Variants in AWAT1 observed in about 807,000 individuals in gnomAD.
The protein encoded by AWAT1 is diacyl-glycerol acyltransferase 2.
In AWAT1, 26 loss-of-function variants were observed where a neutral mutation model predicts 21.6. That is an observed-to-expected ratio of 1.20 (90% CI 0.88 to 1.67). The LOEUF is 1.67. Ranked by LOEUF, AWAT1 falls within the 40% of genes most tolerant of loss-of-function variation. The pLI is 0.00. For synonymous variants in AWAT1, 102 were observed against 99.3 expected (o/e 1.03, Z -0.16); for missense variants, 264 against 249.4 (o/e 1.06, Z -0.39).
intron 1 of AWAT1, among the ~76,000 whole-genome samples, chrX:70,235,434 G>GA (rs963929174): frequency 1.8e-5 from 2 of 110,324 alleles, no homozygotes; most frequent in African/African-American, 6.6e-5. Flanking sequence ...GGGGCAGGAG[G>GA]AAAAAAAACT....
At chrX:70,236,803 A>T (rs1410921957) in intron 3 of AWAT1, among the ~76,000 whole-genome samples, 1 of 111,965 alleles carries the variant, frequency 8.9e-6, no homozygotes, top group African/African-American at 3.3e-5. Context: ...GCACACTGAC[A>T]TAGATGGCTG....
Position 70,238,209 on chromosome X carries a change from T to C in AWAT1, c.461-3T>C, listed in dbSNP as rs369240377. The C allele has an allele frequency of 2.8e-4, 341 of 1,201,476 alleles. No individual in the cohort carries two copies. The highest frequency in any genetic ancestry group is 3.7e-4 in the Non-Finnish European group (327 of 889,049). On this transcript the variant is annotated splice_region_variant and splice_polypyrimidine_tract_variant and intron_variant, in intron 4 of 6. Coordinates refer to ENST00000374521, the MANE Select transcript of AWAT1 (RefSeq NM_001013579.3). ...GATCATTTTGCTCCTTGATTCTCTT[T>C]AGGTGTGTGCTCTGTGAGCCAGCCA...
intron 5 of AWAT1, 120 bp downstream of exon 5, chrX:70,238,503 A>C: frequency 1.3e-6 from 1 of 782,373 alleles, no homozygotes; most frequent in Non-Finnish European, 1.7e-6. Context: ...CCAAGTAAGA[A>C]AAATGGGTCA....
Position 70,240,641 on chromosome X carries a change from T to C in AWAT1, c.*351T>C. On this transcript the variant is annotated 3_prime_UTR_variant, in exon 7 of 7. Coordinates refer to ENST00000374521, the MANE Select transcript of AWAT1 (RefSeq NM_001013579.3). ...GGATTTGCCAATTCTGAACATTTTA[T>C]ATAAATGGAATAATACAATATGTGG... is the stretch of plus-strand genomic sequence containing the variant. 4.9e-6 allele frequency: 1 copy of C among 202,313 alleles called. No homozygotes were observed. Among genetic ancestry groups the C allele is most frequent in the Non-Finnish European group, 9.0e-6 (1 of 110,517 alleles). 16.7% of individuals were successfully genotyped at this position (202,313 alleles called of 1,213,427 possible). A position where few individuals can be genotyped will look rare whatever the true frequency, so the allele number is the denominator to read the frequency against.
In AWAT1 at chrX:70,239,813, G is replaced by A; in HGVS notation, c.711G>A (p.Met237Ile). The part of the protein sequence containing the change: ...DQVLFHKDSR[M>I]YKFQSCFRRI... ...TGCTGTTCCATAAGGATAGCAGGATGTACAAGTTCCAGAGCTGCTTCCGCC... is the reference window on the plus strand; with the variant it reads ...TGCTGTTCCATAAGGATAGCAGGATATACAAGTTCCAGAGCTGCTTCCGCC... Residue 237 changes from methionine (M) to isoleucine (I), a missense_variant, in exon 6 of 7, where the codon ATG (methionine) becomes ATA (isoleucine). Coordinates refer to ENST00000374521, the MANE Select transcript of AWAT1 (RefSeq NM_001013579.3). The A allele has an allele frequency of 8.3e-7, 1 of 1,210,040 alleles. No individual in the cohort carries two copies.
chrX:70,238,310 C>A lies in AWAT1; in HGVS notation c.559C>A (p.Gln187Lys), dbSNP rs1240321987. Residue 187 changes from glutamine to lysine, a missense_variant, in exon 5 of 7, where the codon CAA becomes AAA. Physicochemically the swap from Gln to Lys is moderately conservative, Grantham distance 53. Coordinates refer to ENST00000374521, the MANE Select transcript of AWAT1 (RefSeq NM_001013579.3). ...IVVGGVGEAL[Q>K]SVPNTTTLIL... is the part of the protein sequence containing the mutation. ...AGTGGGAGGTGTGGGTGAGGCCCTGCAAAGTGTGCCCAACACCACCACCCT... is the reference window on the plus strand; with the variant it reads ...AGTGGGAGGTGTGGGTGAGGCCCTGAAAAGTGTGCCCAACACCACCACCCT... 2 of 1,210,547 alleles carry A rather than the reference C, an allele frequency of 1.7e-6. No homozygotes were observed. The highest frequency in any genetic ancestry group is 1.7e-5 in the African/African-American group (1 of 57,779).
In AWAT1 at chrX:70,237,208, C is replaced by T; in HGVS notation, c.420C>T (p.Phe140=). 3 of 1,209,159 alleles carry T rather than the reference C, an allele frequency of 2.5e-6. No individual in the cohort carries two copies. The highest frequency in any genetic ancestry group is 3.4e-6 in the Non-Finnish European group (3 of 894,342). Residue 140 remains phenylalanine, a synonymous_variant, in exon 4 of 7, where the codon TTC becomes TTT. Coordinates refer to ENST00000374521, the MANE Select transcript of AWAT1 (RefSeq NM_001013579.3). ...ITPHLATLSW[F]FKIPFVREYL... is the part of the protein sequence containing the mutation. Reference sequence around the variant, plus strand: ...CTCACTTGGCCACGCTGTCCTGGTTCTTCAAGATCCCCTTTGTTAGGGAGT... The same window carrying T: ...CTCACTTGGCCACGCTGTCCTGGTTTTTCAAGATCCCCTTTGTTAGGGAGT...
chrX:70,238,787 G>A (rs1459610512), intron 5 of AWAT1, among the ~76,000 whole-genome samples: 4 of 112,388 alleles, frequency 3.6e-5, no homozygotes, highest in African/African-American at 1.3e-4. Flanking sequence ...ACCATTCTGA[G>A]CCTTGGTGTT....
At chrX:70,236,569 G>A (rs979374767) in intron 3 of AWAT1, among the ~76,000 whole-genome samples, 1 of 111,488 alleles carries the variant, frequency 9.0e-6, no homozygotes, top group South Asian at 3.8e-4. Flanking sequence ...CACAGACATG[G>A]TGATATCTTA....
At chrX:70,236,582 A>T (rs1152198) in intron 3 of AWAT1, among the ~76,000 whole-genome samples, 29,805 of 110,548 alleles carry the variant, frequency 0.27, 3,193 homozygotes, top group African/African-American at 0.38. Flanking sequence ...ATATCTTAGC[A>T]GGGTTTTCCA....
rs750500757 is a variant in AWAT1, at chrX:70,236,021, T to A, written c.185-48T>A. The A allele has an allele frequency of 2.8e-6, 3 of 1,069,879 alleles. No individual in the cohort carries two copies. The African/African-American group carries it at 5.5e-5, about 20-fold the overall frequency. 88.2% of individuals were successfully genotyped at this position (1,069,879 alleles called of 1,213,427 possible). A position where few individuals can be genotyped will look rare whatever the true frequency, so the allele number is the denominator to read the frequency against. Reference sequence around the variant, plus strand: ...GGAATCCCTGAGTCCGTGGAATGTATGGGATGGCACACACTGACATCATCC... The same window carrying A: ...GGAATCCCTGAGTCCGTGGAATGTAAGGGATGGCACACACTGACATCATCC... On this transcript the variant is annotated intron_variant, in intron 2 of 6. Transcript: ENST00000374521.
In AWAT1 at chrX:70,236,011, G is replaced by A. The variant is rs377034950; in HGVS notation, c.185-58G>A. 45 of 1,049,978 alleles carry A rather than the reference G, an allele frequency of 4.3e-5. No homozygotes were observed. The East Asian group carries it at 6.4e-4, about 15-fold the overall frequency. 86.5% of individuals were successfully genotyped at this position (1,049,978 alleles called of 1,213,427 possible). ...GCCATGCTAGGGAATCCCTGAGTCC[G>A]TGGAATGTATGGGATGGCACACACT... On this transcript the variant is annotated intron_variant, in intron 2 of 6. Transcript: ENST00000374521.
In AWAT1 at chrX:70,240,469, G is replaced by T; in HGVS notation, c.*179G>T. The T allele has an allele frequency of 2.1e-6, 1 of 480,953 alleles. No individual in the cohort carries two copies. Among genetic ancestry groups the T allele is most frequent in the Non-Finnish European group, 3.4e-6 (1 of 297,214 alleles). 39.6% of individuals were successfully genotyped at this position (480,953 alleles called of 1,213,427 possible). ...TTACAGGAATTCTTTCTGAAGAGCT[G>T]CACACAGTCATTCCTCAAAGGAGGG... On this transcript the variant is annotated 3_prime_UTR_variant, in exon 7 of 7. Transcript: ENST00000374521.
intron 4 of AWAT1, among the ~76,000 whole-genome samples, chrX:70,237,831 CAAAAAAAAAAAA>C (rs34212707): frequency 1.0e-4 from 2 of 19,386 alleles, no homozygotes; most frequent in South Asian, 0.013. Flanking sequence ...AACTCTGTCT[CAAAAAAAAAAAA>C]AAAAAAAAAA....
At chrX:70,239,475 T>C (rs777624560) in intron 5 of AWAT1, among the ~76,000 whole-genome samples, 1 of 111,883 alleles carries the variant, frequency 8.9e-6, no homozygotes, top group East Asian at 2.8e-4. Context: ...GCTCAACTTC[T>C]CTTGCTTCCC....
chrX:70,235,879 G>A lies in AWAT1; in HGVS notation c.184+56G>A, dbSNP rs905244282. ...TTCCATCATAACCTGCAGCCAGAGA[G>A]TCCCACTCGCCATACCACAGGCCCC... On this transcript the variant is annotated intron_variant, in intron 2 of 6. Coordinates refer to ENST00000374521, the MANE Select transcript of AWAT1 (RefSeq NM_001013579.3). 1.1e-5 allele frequency: 12 copies of A among 1,068,030 alleles called. No homozygotes were observed. In the African/African-American group the frequency reaches 2.2e-4, roughly 20 times the overall value. The allele number at this position is 1,068,030 out of a possible 1,213,427, so 88.0% of individuals were successfully genotyped here.
In AWAT1 at chrX:70,238,232, C is replaced by T. The variant is rs950288406; in HGVS notation, c.481C>T (p.Pro161Ser). Reference sequence around the variant, plus strand: ...TTTAGGTGTGTGCTCTGTGAGCCAGCCAGCCATCAACTATCTGCTGAGCCA... The same window carrying T: ...TTTAGGTGTGTGCTCTGTGAGCCAGTCAGCCATCAACTATCTGCTGAGCCA... ...MAKGVCSVSQ[P>S]AINYLLSHGT... Residue 161 changes from proline to serine, a missense_variant, in exon 5 of 7, where the codon CCA (proline) becomes TCA (serine). By Grantham distance (74) the Pro-to-Ser change is moderately conservative (BLOSUM62 -1). Coordinates refer to ENST00000374521, the MANE Select transcript of AWAT1 (RefSeq NM_001013579.3). The T allele has an allele frequency of 2.5e-6, 3 of 1,206,264 alleles. No individual in the cohort carries two copies. Among genetic ancestry groups the T allele is most frequent in the Non-Finnish European group, 3.4e-6 (3 of 892,497 alleles).
chrX:70,239,704 G>C, intron 5 of AWAT1, 31 bp from the exon 6 acceptor site: 1 of 1,170,195 alleles, frequency 8.5e-7, no homozygotes, highest in Non-Finnish European at 1.2e-6. Context: ...CCTAGCTTGT[G>C]TTTAGAAAAT....
intron 4 of AWAT1, among the ~76,000 whole-genome samples, chrX:70,237,899 T>A (rs1602707473): frequency 1.3e-5 from 1 of 78,926 alleles, no homozygotes; most frequent in African/African-American, 4.8e-5. Flanking sequence ...CCTCAATAAA[T>A]AATAGCTGTT....
Sources: gnomAD v4.1 joint callset for allele counts (sites outside exome capture counted in the v4.1 genomes callset) on GRCh38, gnomAD v4.1.1 for gene constraint, MANE v1.5 for transcripts, NCBI Gene and HGNC (gene_info 2026-07-23, HGNC 2026-07-21) for gene names.